Variants in CCDC171 observed in about 807,000 individuals in gnomAD.
CCDC171 encodes coiled-coil domain containing 171, also known as coiled-coil domain-containing protein 171.
Under a neutral mutation model 168.2 loss-of-function variants are expected in CCDC171, and 177 were observed. The observed-to-expected ratio is 1.05, with a 90% CI of 0.93 to 1.19. The LOEUF is 1.19. Among genes scored for constraint, CCDC171 ranks in the 50% most tolerant of loss-of-function variants. CCDC171 has a pLI of 0.00. For missense variants in CCDC171, 1,991 were observed against 1,539.0 expected, an observed-to-expected ratio of 1.29 and a Z score of -4.91; for synonymous variants, 687 against 540.8, an observed-to-expected ratio of 1.27 and a Z score of -3.75.
At chr9:15,986,765 A>G (rs1832003886) in intron 3 of CCDC171, among the ~76,000 whole-genome samples, 1 of 152,172 alleles carries the variant, frequency 6.6e-6, no homozygotes, top group African/African-American at 2.4e-5. Context: ...TGTTTATGTC[A>G]TTTGTTTGTT....
At chr9:16,010,027 C>T (rs1589322072) in intron 3 of CCDC171, among the ~76,000 whole-genome samples, 2 of 152,172 alleles carry the variant, frequency 1.3e-5, no homozygotes, top group Non-Finnish European at 2.9e-5. Context: ...AGAACCATTT[C>T]ATAGTGTGAG....
chr9:15,942,211 G>A (rs540685782), intron 25 of CCDC171, among the ~76,000 whole-genome samples: 5 of 151,970 alleles, frequency 3.3e-5, no homozygotes, highest in African/African-American at 1.2e-4. Context: ...ATGTCACTAC[G>A]ATACCTAATA....
intron 25 of CCDC171, among the ~76,000 whole-genome samples, chr9:15,959,226 G>A (rs1830117179): frequency 6.6e-6 from 1 of 152,088 alleles, no homozygotes; most frequent in Non-Finnish European, 1.5e-5. Context: ...ATTAACTAAA[G>A]GTGGCATATC....
At chr9:16,039,923 C>T (rs1434688587), upstream of CCDC171, among the ~76,000 whole-genome samples, 2 of 151,954 alleles carry the variant, frequency 1.3e-5, no homozygotes, top group East Asian at 3.9e-4. Context: ...GAGATTGGAC[C>T]GGATAACAGA....
chr9:15,731,736 A>G (rs995312391), intron 16 of CCDC171, among the ~76,000 whole-genome samples: 2 of 152,088 alleles, frequency 1.3e-5, no homozygotes, highest in African/African-American at 4.8e-5. Context: ...TTGCCAGGTC[A>G]TGGGATATAT....
chr9:15,809,157 A>T (rs1287321451), intron 21 of CCDC171, among the ~76,000 whole-genome samples: 1 of 152,190 alleles, frequency 6.6e-6, no homozygotes, highest in Non-Finnish European at 1.5e-5. Context: ...AAAACATTCA[A>T]ATCATAGCAA....
chr9:15,852,994 A>G (rs59860684), intron 23 of CCDC171, among the ~76,000 whole-genome samples: 1,982 of 151,682 alleles, frequency 0.013, 53 homozygotes, highest in African/African-American at 0.046. Context: ...GATGTTTTCT[A>G]TTAAGTTTTG....
At chr9:15,559,928 TG>T (rs2039139028) in intron 1 of CCDC171, among the ~76,000 whole-genome samples, 1 of 152,074 alleles carries the variant, frequency 6.6e-6, no homozygotes, top group Non-Finnish European at 1.5e-5. Context: ...GCAGGCCTGG[TG>T]GTGACAGAAT....
intron 9 of CCDC171, among the ~76,000 whole-genome samples, chr9:15,673,340 T>C (rs569495030): frequency 9.8e-5 from 15 of 152,336 alleles, no homozygotes; most frequent in African/African-American, 3.6e-4. Context: ...GAATACGCTT[T>C]ATTTCTTTCT....
chr9:15,682,643 GAT>G (rs2050117532), intron 10 of CCDC171, among the ~76,000 whole-genome samples: 1 of 151,632 alleles, frequency 6.6e-6, no homozygotes, highest in African/African-American at 2.4e-5. Context: ...AGATTTAAAA[GAT>G]ATAACTAATA....
At chr9:15,748,438 G>A (rs141198994) in intron 18 of CCDC171, among the ~76,000 whole-genome samples, 238 of 152,224 alleles carry the variant, frequency 1.6e-3, no homozygotes, top group African/African-American at 5.4e-3. Context: ...ACATAGCAAG[G>A]CAGGCCAACA....
chr9:15,964,002 G>A (rs1289629030), intron 25 of CCDC171, among the ~76,000 whole-genome samples: 2 of 152,140 alleles, frequency 1.3e-5, no homozygotes, highest in African/African-American at 2.4e-5. Flanking sequence ...CTTTCTTCTC[G>A]CTAGAATGCA....
In CCDC171 at chr9:15,777,633, T is replaced by G; in HGVS notation, c.2705T>G (p.Ile902Arg). The change falls in exon 19 of 26, where the codon ATA (isoleucine) becomes AGA (arginine). Residue 902 changes from isoleucine (I) to arginine (R), a missense_variant. Physicochemically the swap from Ile to Arg is moderately conservative, Grantham distance 97. Coordinates refer to ENST00000380701, the MANE Select transcript of CCDC171 (RefSeq NM_173550.4). ...PNSRICGHLL[I>R]GAAKNSFAKL... is the part of the protein sequence containing the mutation. ...TCCAGAATTTGTGGACATTTACTCA[T>G]AGGTGCAGCCAAGAATTCTTTTGCA... 1 of 1,613,066 alleles carries G rather than the reference T, an allele frequency of 6.2e-7. No homozygotes were observed. The highest frequency in any genetic ancestry group is 8.5e-7 in the Non-Finnish European group (1 of 1,179,766).
At chr9:15,705,873 A>G (rs1564252207) in intron 11 of CCDC171, among the ~76,000 whole-genome samples, 1 of 152,228 alleles carries the variant, frequency 6.6e-6, no homozygotes, top group East Asian at 1.9e-4. Flanking sequence ...AAAAATATGA[A>G]TGAATTAATA....
the CCDC171 span, among the ~76,000 whole-genome samples, chr9:16,078,393 G>A: frequency 2.6e-5 from 4 of 152,070 alleles, no homozygotes; most frequent in East Asian, 1.9e-4. Flanking sequence ...GCTTATGGTC[G>A]GTGGTTGAAG....
At chr9:15,707,377 C>A (rs80184515) in intron 11 of CCDC171, among the ~76,000 whole-genome samples, 2,476 of 152,276 alleles carry the variant, frequency 0.016, 85 homozygotes, top group African/African-American at 0.056. Flanking sequence ...TCAGGCATAG[C>A]TACTTTGGTT....
At chr9:15,941,537 A>G (rs910334750) in intron 25 of CCDC171, among the ~76,000 whole-genome samples, 1 of 152,030 alleles carries the variant, frequency 6.6e-6, no homozygotes, top group Admixed American at 6.6e-5. Context: ...CTCAGTCTTC[A>G]ACAGATCCAC....
At chr9:15,570,656 C>G (rs2131057269) in intron 2 of CCDC171, among the ~76,000 whole-genome samples, 1 of 152,286 alleles carries the variant, frequency 6.6e-6, no homozygotes, top group South Asian at 2.1e-4. Flanking sequence ...GCATCAGTAT[C>G]TTTAGGTATT....
At chr9:15,828,100 GAGAT>G (rs1207441333) in intron 21 of CCDC171, among the ~76,000 whole-genome samples, 4 of 152,242 alleles carry the variant, frequency 2.6e-5, no homozygotes, top group African/African-American at 7.2e-5. Context: ...TAACAACAAA[GAGAT>G]AGGGCAGGGG....
Sources: allele counts gnomAD v4.1 joint callset (sites outside exome capture counted in the v4.1 genomes callset), GRCh38; gene constraint gnomAD v4.1.1; transcripts MANE v1.5; gene names NCBI Gene and HGNC (gene_info 2026-07-23, HGNC 2026-07-21).